The following CAMTA1 variants were observed in gnomAD, a reference collection of about 807,000 sequenced individuals.
CAMTA1 encodes calmodulin-binding transcription activator 1.
In CAMTA1, 27 loss-of-function variants were observed where a neutral mutation model predicts 170.9. The observed-to-expected ratio is 0.16, with a 90% CI of 0.12 to 0.22. The LOEUF is 0.22. Ranked by LOEUF, CAMTA1 falls within the 10% of genes least tolerant of loss-of-function variation. CAMTA1 has a pLI of 1.00. For synonymous variants in CAMTA1, 833 were observed against 891.5 expected (o/e 0.93, Z 1.17); for missense variants, 1,619 against 2,217.2 (o/e 0.73, Z 5.42).
chr1:6,867,133 A>G (rs1184716945), intron 3 of CAMTA1, among the ~76,000 whole-genome samples: 2 of 152,226 alleles, frequency 1.3e-5, no homozygotes, highest in Non-Finnish European at 2.9e-5. Flanking sequence ...GCATCTGTAT[A>G]CACCGCACAA....
At chr1:7,422,301 G>T (rs1176952221) in intron 5 of CAMTA1, among the ~76,000 whole-genome samples, 1 of 152,154 alleles carries the variant, frequency 6.6e-6, no homozygotes, top group Non-Finnish European at 1.5e-5. Flanking sequence ...CAGAGGAAAG[G>T]CCGGGGGCTT....
intron 4 of CAMTA1, among the ~76,000 whole-genome samples, chr1:7,121,249 G>GT (rs1164453299): frequency 6.6e-6 from 1 of 152,228 alleles, no homozygotes; most frequent in Admixed American, 6.5e-5. Context: ...AGCTATGTGT[G>GT]TAACTGAAAG....
In CAMTA1 at chr1:7,079,724, C is replaced by T. The variant is rs150736657; in HGVS notation, c.235-11580C>T. 2.4e-3 allele frequency among the ~76,000 whole-genome samples: 363 copies of T among 152,060 alleles called. 1 individual carries two copies. Among genetic ancestry groups the T allele is most frequent in the African/African-American group, 8.2e-3 (339 of 41,472 alleles). ...CTAACCTCAAGCGATCCTCCCACCT[C>T]GGCCTCCCAAAGTGCTGGAATTACA... On this transcript the variant is annotated intron_variant, in intron 3 of 22. Coordinates refer to ENST00000303635, the MANE Select transcript of CAMTA1 (RefSeq NM_015215.4).
At chr1:7,636,292 C>T (rs1422747217) in intron 6 of CAMTA1, among the ~76,000 whole-genome samples, 1 of 152,156 alleles carries the variant, frequency 6.6e-6, no homozygotes, top group African/African-American at 2.4e-5. Flanking sequence ...GTTGATATGC[C>T]TTGGGGTATG....
At position 7,479,620 on chromosome 1, in the gene CAMTA1, G is replaced by A. The variant is rs887128225; in HGVS notation, c.510+11719G>A. 4.6e-5 allele frequency among the ~76,000 whole-genome samples: 7 copies of A among 152,214 alleles called. No homozygotes were observed. In the East Asian group the frequency reaches 5.8e-4, roughly 13 times the overall value. On this transcript the variant is annotated intron_variant, in intron 6 of 22. Transcript: ENST00000303635. ...CTCATTGGGCTGTCATGTGAGATGC[G>A]CTGGTGCTGGCGAGCCTCCTGCCCA...
At chr1:7,030,934 A>G (rs961625233) in intron 3 of CAMTA1, among the ~76,000 whole-genome samples, 2 of 149,862 alleles carry the variant, frequency 1.3e-5, no homozygotes, top group African/African-American at 4.9e-5. Context: ...TCCCGGGTTC[A>G]CGCCATTCTC....
intron 4 of CAMTA1, among the ~76,000 whole-genome samples, chr1:7,154,838 C>A (rs1646771926): frequency 6.6e-6 from 1 of 152,228 alleles, no homozygotes; most frequent in Non-Finnish European, 1.5e-5. Flanking sequence ...TTCTTCCTCT[C>A]AGCTCCTCAG....
At chr1:7,122,791 GC>G (rs1644721153) in intron 4 of CAMTA1, among the ~76,000 whole-genome samples, 1 of 152,156 alleles carries the variant, frequency 6.6e-6, no homozygotes, top group South Asian at 2.1e-4. Context: ...TGCTGCTGAA[GC>G]CAGAAGCTTG....
chr1:7,284,748 T>G (rs928306215), intron 5 of CAMTA1, among the ~76,000 whole-genome samples: 1 of 152,204 alleles, frequency 6.6e-6, no homozygotes, highest in Admixed American at 6.5e-5. Context: ...TTGCACGTGT[T>G]CTGCTCCTGC....
chr1:7,503,805 G>T (rs2094051211), intron 6 of CAMTA1, among the ~76,000 whole-genome samples: 1 of 152,228 alleles, frequency 6.6e-6, no homozygotes, highest in Non-Finnish European at 1.5e-5. Context: ...CCACTCGGAT[G>T]CTGTGCCCAC....
In CAMTA1 at chr1:7,050,445, C is replaced by T. The variant is rs187972411; in HGVS notation, c.235-40859C>T. Among the ~76,000 whole-genome samples, 15 of 152,214 alleles carry T rather than the reference C, an allele frequency of 9.9e-5. No individual in the cohort carries two copies. Among genetic ancestry groups the T allele is most frequent in the Admixed American group, 2.0e-4 (3 of 15,296 alleles). ...GGCTGCTCATTGCCACTCTGGGTCC[C>T]GACCGGGTGTGGGTTCAGATGAAGA... is the stretch of plus-strand genomic sequence containing the variant. On this transcript the variant is annotated intron_variant, in intron 3 of 22. Coordinates refer to ENST00000303635, the MANE Select transcript of CAMTA1 (RefSeq NM_015215.4). The surrounding 1 kb of genome is among the most constrained non-coding windows in gnomAD (Gnocchi z 4.8).
chr1:7,591,703 T>C (rs1393601183), intron 6 of CAMTA1, among the ~76,000 whole-genome samples: 1 of 152,142 alleles, frequency 6.6e-6, no homozygotes, highest in Non-Finnish European at 1.5e-5. Flanking sequence ...CCCTGCACTG[T>C]TTGGTTCCCA....
rs554594647 is a variant in CAMTA1, at chr1:7,762,199, G to T, written c.4990-4260G>T. ...AGGAATAATTATTATTACAAAAGCA[G>T]CACATACTAATTGTAGTGAATTCTG... is the stretch of plus-strand genomic sequence containing the variant. On this transcript the variant is annotated intron_variant, in intron 22 of 22. Coordinates refer to ENST00000303635, the MANE Select transcript of CAMTA1 (RefSeq NM_015215.4). 3.7e-4 allele frequency among the ~76,000 whole-genome samples: 57 copies of T among 152,304 alleles called. 1 individual carries two copies. The South Asian group carries it at 0.01, about 28-fold the overall frequency.
At chr1:7,081,718 AT>A (rs1445926307) in intron 3 of CAMTA1, among the ~76,000 whole-genome samples, 26 of 152,246 alleles carry the variant, frequency 1.7e-4, no homozygotes, top group Non-Finnish European at 3.4e-4. Context: ...TCTCAGGCCC[AT>A]CCAAATGGAC....
At chr1:7,551,575 C>A (rs542252409) in intron 6 of CAMTA1, among the ~76,000 whole-genome samples, 1 of 152,220 alleles carries the variant, frequency 6.6e-6, no homozygotes, top group African/African-American at 2.4e-5. Flanking sequence ...CAGCAGCCCC[C>A]TCCCCTACTG....
At chr1:7,122,230 C>T (rs1644686679) in intron 4 of CAMTA1, among the ~76,000 whole-genome samples, 1 of 152,066 alleles carries the variant, frequency 6.6e-6, no homozygotes, top group South Asian at 2.1e-4. Context: ...TCCCCACTGT[C>T]CCTGTCATCC....
intron 6 of CAMTA1, among the ~76,000 whole-genome samples, chr1:7,600,491 C>CTTTTTCTT (rs71567306): frequency 7.0e-6 from 1 of 143,034 alleles, no homozygotes; most frequent in African/African-American, 2.6e-5. Context: ...TTTTCTTTTT[C>CTTTTTCTT]TTTTTTTTTT....
At chr1:7,485,769 G>A (rs2093609961) in intron 6 of CAMTA1, among the ~76,000 whole-genome samples, 1 of 152,198 alleles carries the variant, frequency 6.6e-6, no homozygotes, top group Admixed American at 6.5e-5. Flanking sequence ...GACTTATCCA[G>A]GGACACCCAG....
intron 5 of CAMTA1, among the ~76,000 whole-genome samples, chr1:7,350,003 T>C (rs705676): frequency 0.39 from 59,098 of 151,998 alleles, 12,200 homozygotes; most frequent in Non-Finnish European, 0.45. Flanking sequence ...CACTGGGCTC[T>C]CTGTGTGAGT....
Sources: allele counts gnomAD v4.1 joint callset (sites outside exome capture counted in the v4.1 genomes callset), GRCh38; gene constraint gnomAD v4.1.1; non-coding constraint Gnocchi (gnomAD v3.1); transcripts MANE v1.5; gene names NCBI Gene and HGNC (gene_info 2026-07-23, HGNC 2026-07-21).